CMIP: variants seen among roughly 807,000 people sequenced by gnomAD.
The protein encoded by CMIP is C-Maf-inducing protein.
A neutral mutation model predicts 97.3 loss-of-function variants in CMIP; 13 were observed. The observed-to-expected ratio is 0.13, with a 90% confidence interval of 0.09 to 0.21. The LOEUF (loss-of-function observed/expected upper bound fraction) is 0.21, where lower values mean the gene tolerates loss of function less well. CMIP is among the 10% of genes least tolerant of loss of function. The pLI, the probability that CMIP is intolerant of heterozygous loss-of-function variation, is 1.00. For missense variants in CMIP, 847 were observed against 1,024.9 expected, an observed-to-expected ratio of 0.83 and a Z score of 2.37; for synonymous variants, 538 against 436.3, an observed-to-expected ratio of 1.23 and a Z score of -2.91.
chr16:81,452,885 G>GTTTTTTTTTTTTTTTTTTTTTTTTTTTT (rs558606255), intron 1 of CMIP, among the ~76,000 whole-genome samples: 15 of 129,232 alleles, frequency 1.2e-4, no homozygotes, highest in East Asian at 2.3e-4. Context: ...TTTTTGTTTT[G>GTTTTTTTTTTTTTTTTTTTTTTTTTTTT]TTTTTTTTTT....
intron 1 of CMIP, among the ~76,000 whole-genome samples, chr16:81,560,855 G>T (rs188249957): frequency 6.6e-6 from 1 of 152,186 alleles, no homozygotes; most frequent in Non-Finnish European, 1.5e-5. Flanking sequence ...GTAGTAGGCC[G>T]TATACCATGT....
intron 3 of CMIP, among the ~76,000 whole-genome samples, chr16:81,649,656 C>T (rs1249618737): frequency 7.2e-5 from 11 of 152,218 alleles, no homozygotes; most frequent in Non-Finnish European, 1.5e-4. Flanking sequence ...AATGAGCATG[C>T]ATCATCTTTC....
chr16:81,705,596 C>T lies in CMIP; in HGVS notation c.2189C>T (p.Ala730Val). Residue 730 changes from alanine to valine, a missense_variant, in exon 19 of 21, where the codon GCC (alanine) becomes GTC (valine). Physicochemically the swap from Ala to Val is moderately conservative, Grantham distance 64. Transcript: ENST00000537098. ...ETPVTDAGLL[A>V]LSSMKSLCSL... Reference sequence around the variant, plus strand: ...CCGGTCACAGACGCTGGCCTGCTGGCCCTGAGCTGTGAGTGCCTCCGGGGC... The same window carrying T: ...CCGGTCACAGACGCTGGCCTGCTGGTCCTGAGCTGTGAGTGCCTCCGGGGC... 6 of 1,599,236 alleles carry T rather than the reference C, an allele frequency of 3.8e-6. No homozygotes were observed. The highest frequency in any genetic ancestry group is 5.1e-6 in the Non-Finnish European group (6 of 1,174,234).
At chr16:81,495,397 C>G (rs372990814) in intron 1 of CMIP, 1 of 1,556,706 alleles carries the variant, frequency 6.4e-7, no homozygotes, top group South Asian at 1.2e-5. Context: ...TTGAGAACAA[C>G]AAACCAAGCC....
chr16:81,586,295 T>C (rs1341755777), intron 1 of CMIP, among the ~76,000 whole-genome samples: 1 of 152,212 alleles, frequency 6.6e-6, no homozygotes, highest in African/African-American at 2.4e-5. Context: ...CACAGTTTAC[T>C]GTAGTAGAGG....
At chr16:81,564,429 C>T (rs1032512616) in intron 1 of CMIP, among the ~76,000 whole-genome samples, 2 of 152,156 alleles carry the variant, frequency 1.3e-5, no homozygotes, top group Non-Finnish European at 2.9e-5. Context: ...GAAATAAAAC[C>T]ACAAAGCTAT....
At chr16:81,525,622 T>C (rs1357903545) in intron 1 of CMIP, among the ~76,000 whole-genome samples, 1 of 152,248 alleles carries the variant, frequency 6.6e-6, no homozygotes, top group Non-Finnish European at 1.5e-5. Context: ...GGAGTACAGA[T>C]GTGTGCCACT....
chr16:81,589,564 C>T (rs889819093), intron 1 of CMIP, among the ~76,000 whole-genome samples: 7 of 152,044 alleles, frequency 4.6e-5, no homozygotes, highest in Non-Finnish European at 5.9e-5. Flanking sequence ...CAGCCTGGCC[C>T]ATGCCGGGCA....
chr16:81,457,478 A>G (rs1024917085), intron 1 of CMIP, among the ~76,000 whole-genome samples: 2 of 152,182 alleles, frequency 1.3e-5, no homozygotes, highest in Non-Finnish European at 2.9e-5. Context: ...TGCGTGTGGC[A>G]TAGGTACACA....
rs1906761776 is a variant in CMIP at position 81,696,697 on chromosome 16, TC to T, written c.1638+32del. The T allele has an allele frequency of 2.5e-6, 4 of 1,588,934 alleles. No individual in the cohort carries two copies. In the African/African-American group the frequency reaches 5.3e-5, roughly 21 times the overall value. On this transcript the variant is annotated intron_variant, in intron 14 of 20. Coordinates refer to ENST00000537098, the MANE Select transcript of CMIP (RefSeq NM_198390.3). ...GCAGTGGGACCCCAGTGGGGTGACT[TC>T]CAGGGGTCCCTGGGCTTGCCATGCC...
At chr16:81,498,954 G>A (rs1382163985) in intron 1 of CMIP, among the ~76,000 whole-genome samples, 1 of 152,180 alleles carries the variant, frequency 6.6e-6, no homozygotes, top group Admixed American at 6.5e-5. Context: ...CCATTTAGTA[G>A]GACCCCATGT....
chr16:81,648,256 A>G (rs909045491), intron 3 of CMIP, among the ~76,000 whole-genome samples: 5 of 151,586 alleles, frequency 3.3e-5, no homozygotes, highest in Non-Finnish European at 7.4e-5. Context: ...TCATTCCTGA[A>G]TTGTCCCTTT....
intron 1 of CMIP, among the ~76,000 whole-genome samples, chr16:81,496,654 C>T (rs2089496421): frequency 1.3e-5 from 2 of 152,230 alleles, no homozygotes; most frequent in Admixed American, 1.3e-4. Context: ...GATTTGGTAT[C>T]ACAGCTGTCT....
intron 3 of CMIP, among the ~76,000 whole-genome samples, chr16:81,626,519 G>C (rs2092067599): frequency 6.6e-6 from 1 of 150,654 alleles, no homozygotes; most frequent in Admixed American, 6.6e-5. Flanking sequence ...GCATGTGTGT[G>C]TGTGGTGTGT....
intron 9 of CMIP, among the ~76,000 whole-genome samples, chr16:81,672,679 C>T (rs1018852456): frequency 2.0e-5 from 3 of 152,088 alleles, no homozygotes; most frequent in African/African-American, 7.2e-5. Flanking sequence ...GGGCTCAAGC[C>T]GTCCTCCCAC....
intron 10 of CMIP, among the ~76,000 whole-genome samples, chr16:81,690,858 G>A (rs1488314233): frequency 2.0e-5 from 3 of 152,166 alleles, no homozygotes; most frequent in Non-Finnish European, 2.9e-5. Context: ...CCCAGGAGGT[G>A]GAGGTTGCAG....
chr16:81,693,331 T>C, intron 12 of CMIP, 108 bp from the exon 13 acceptor site: 1 of 1,481,082 alleles, frequency 6.8e-7, no homozygotes, highest in African/African-American at 1.4e-5. Flanking sequence ...TCCACCGCCT[T>C]GCCCAGCTCC....
intron 2 of CMIP, among the ~76,000 whole-genome samples, chr16:81,609,885 C>G (rs2091803321): frequency 6.6e-6 from 1 of 152,176 alleles, no homozygotes; most frequent in African/African-American, 2.4e-5. Context: ...GCCTTGCCAG[C>G]CAAGTGAAGA....
At chr16:81,541,996 C>T (rs1288888655) in intron 1 of CMIP, among the ~76,000 whole-genome samples, 1 of 152,192 alleles carries the variant, frequency 6.6e-6, no homozygotes, top group Non-Finnish European at 1.5e-5. Context: ...GTTCTAATAA[C>T]CAAAGACTGA....
Sources: allele counts gnomAD v4.1 joint callset (sites outside exome capture counted in the v4.1 genomes callset), GRCh38; gene constraint gnomAD v4.1.1; transcripts MANE v1.5; gene names NCBI Gene and HGNC (gene_info 2026-07-23, HGNC 2026-07-21).